The following RYR3 variants were observed in gnomAD, a reference collection of about 807,000 sequenced individuals.
The protein encoded by RYR3 is brain ryanodine receptor-calcium release channel.
RYR3 carries 207 observed loss-of-function variants against 584.3 expected under a neutral mutation model. That is an observed-to-expected ratio of 0.35 (90% CI 0.32 to 0.40). The LOEUF (loss-of-function observed/expected upper bound fraction) is 0.40. RYR3 is among the 10% of genes least tolerant of loss of function. The probability of loss-of-function intolerance (pLI) is 1.00; values close to 1 mark genes in which losing one functional copy is unlikely to be tolerated. For synonymous variants in RYR3, 2,416 were observed against 2,248.5 expected, an observed-to-expected ratio of 1.07 and a Z score of -2.11; for missense variants, 5,616 against 6,089.2, an observed-to-expected ratio of 0.92 and a Z score of 2.59.
Position 33,311,576 on chromosome 15 carries a change from G to A in RYR3, c.51+480G>A, listed in dbSNP as rs1317336745. Among the ~76,000 whole-genome samples the A allele has an allele frequency of 2.0e-5, 3 of 152,198 alleles. No homozygotes were observed. The highest frequency in any genetic ancestry group is 6.5e-5 in the Admixed American group (1 of 15,288). ...AGGAGCCAGCGGGGCAGGGGGGAGT[G>A]TGGGGAGCCGGGTCGGAGAAGCGGG... is the stretch of plus-strand genomic sequence containing the variant. On this transcript the variant is annotated intron_variant, in intron 1 of 103. Transcript: ENST00000634891. The surrounding 1 kb of genome is among the most constrained non-coding windows in gnomAD (Gnocchi z 4.4).
At chr15:33,466,342 A>G (rs2048486362) in intron 1 of RYR3, among the ~76,000 whole-genome samples, 1 of 152,220 alleles carries the variant, frequency 6.6e-6, no homozygotes, top group African/African-American at 2.4e-5. Context: ...CCAAATGAAG[A>G]AAGTATTTTA....
chr15:33,853,023 C>T lies in RYR3; in HGVS notation c.13629-22C>T, dbSNP rs529196353. On this transcript the variant is annotated intron_variant, in intron 94 of 103. Coordinates refer to ENST00000634891, the MANE Select transcript of RYR3 (RefSeq NM_001036.6). The stretch of plus-strand genomic sequence containing the variant: ...CTTGATGTTAAGAATGAAGAACCAA[C>T]CTTTTTCGTTTTGTTTTTCAGATCT... The T allele has an allele frequency of 1.9e-5, 30 of 1,597,062 alleles. No homozygotes were observed. In the African/African-American group the frequency reaches 3.6e-4, roughly 19 times the overall value.
At chr15:33,843,435 G>T in intron 91 of RYR3, 53 bp from the exon 92 acceptor site, 1 of 1,295,654 alleles carries the variant, frequency 7.7e-7, no homozygotes, top group Non-Finnish European at 1.1e-6. Flanking sequence ...AAAGTAGGAA[G>T]TTCTCTTTTC....
intron 1 of RYR3, among the ~76,000 whole-genome samples, chr15:33,431,003 C>T (rs1410503673): frequency 6.6e-6 from 1 of 152,122 alleles, no homozygotes; most frequent in East Asian, 1.9e-4. Flanking sequence ...AACAACTAGA[C>T]TTAGGGGCTC....
intron 94 of RYR3, 82 bp from the exon 95 acceptor site, chr15:33,852,963 G>A (rs1285195765): frequency 8.5e-7 from 1 of 1,179,152 alleles, no homozygotes; most frequent in Non-Finnish European, 1.2e-6. Flanking sequence ...CCCAGATCCA[G>A]GCACTCAAAC....
chr15:33,587,441 C>A (rs941012899), intron 16 of RYR3, among the ~76,000 whole-genome samples: 3 of 152,164 alleles, frequency 2.0e-5, no homozygotes, highest in African/African-American at 7.2e-5. Flanking sequence ...AAATAACCAA[C>A]TTTGTTGTGG....
intron 15 of RYR3, among the ~76,000 whole-genome samples, chr15:33,585,546 G>T (rs1299308413): frequency 6.6e-6 from 1 of 151,940 alleles, no homozygotes; most frequent in Non-Finnish European, 1.5e-5. Context: ...TAATTTCTAG[G>T]GTAGTTCCTA....
In RYR3 at chr15:33,503,755, T is replaced by G. The variant is rs763013969; in HGVS notation, c.279+17T>G. 3 of 1,524,482 alleles carry G rather than the reference T, an allele frequency of 2.0e-6. No individual in the cohort carries two copies. The highest frequency in any genetic ancestry group is 2.7e-6 in the Non-Finnish European group (3 of 1,104,898). 94.4% of individuals were successfully genotyped at this position (1,524,482 alleles called of 1,614,324 possible). On this transcript the variant is annotated intron_variant, in intron 3 of 103. Transcript: ENST00000634891. ...GGCGAAGGGGTGAGTACCCGAATTG[T>G]GTCCTAGGTTGGGATTGGGGTGCAC... is the stretch of plus-strand genomic sequence containing the variant.
intron 1 of RYR3, among the ~76,000 whole-genome samples, chr15:33,400,538 GA>G (rs1467730392): frequency 6.6e-6 from 1 of 152,218 alleles, no homozygotes; most frequent in Non-Finnish European, 1.5e-5. Flanking sequence ...GAAAGCTGCA[GA>G]GGGCTGAGTT....
At chr15:33,701,911 A>T (rs554261462) in intron 42 of RYR3, among the ~76,000 whole-genome samples, 8 of 152,186 alleles carry the variant, frequency 5.3e-5, no homozygotes, top group Admixed American at 5.2e-4. Context: ...TGAAGCACAG[A>T]GTACCTGGGG....
rs151329377 is a variant in RYR3 at position 33,789,798 on chromosome 15, G to A, written c.9830+1340G>A. Among the ~76,000 whole-genome samples the A allele has an allele frequency of 4.0e-3, 503 of 127,094 alleles. 2 individuals are homozygous for A. Among genetic ancestry groups the A allele is most frequent in the African/African-American group, 0.014 (479 of 33,714 alleles). 83.4% of individuals were successfully genotyped at this position (127,094 alleles called of 152,430 possible). ...CATGCGATTCTCCCACCTCAGCCTC[G>A]TGAGTAGCTGGGATTACAGGCGCAG... On this transcript the variant is annotated intron_variant, in intron 67 of 103. Transcript: ENST00000634891.
rs190433718 is a variant in RYR3 at position 33,712,249 on chromosome 15, C to T, written c.6619+5195C>T. ...ATCTGTCCCCATGATTCAAACACCT[C>T]CCACCAGGCCCCACCTCCAGCATTG... is the stretch of plus-strand genomic sequence containing the variant. On this transcript the variant is annotated intron_variant, in intron 43 of 103. Coordinates refer to ENST00000634891, the MANE Select transcript of RYR3 (RefSeq NM_001036.6). Among the ~76,000 whole-genome samples the T allele has an allele frequency of 1.8e-3, 272 of 152,266 alleles. 1 individual carries two copies. Among genetic ancestry groups the T allele is most frequent in the Non-Finnish European group, 3.5e-3 (238 of 68,036 alleles).
intron 1 of RYR3, among the ~76,000 whole-genome samples, chr15:33,444,184 G>C (rs918558959): frequency 6.6e-6 from 1 of 152,062 alleles, no homozygotes; most frequent in Admixed American, 6.6e-5. Context: ...CAAAGCCAGG[G>C]CCAAGAGGCT....
At chr15:33,809,375 C>G (rs2076386817) in intron 70 of RYR3, among the ~76,000 whole-genome samples, 1 of 152,178 alleles carries the variant, frequency 6.6e-6, no homozygotes, top group South Asian at 2.1e-4. Flanking sequence ...TTCTGGCTAC[C>G]CAGCCCTCCC....
intron 32 of RYR3, among the ~76,000 whole-genome samples, chr15:33,657,132 A>G (rs1362244061): frequency 6.6e-6 from 1 of 152,182 alleles, no homozygotes; most frequent in African/African-American, 2.4e-5. Flanking sequence ...TAGTGATCGA[A>G]GAGACATTTC....
chr15:33,476,600 T>C (rs978987951), intron 2 of RYR3, among the ~76,000 whole-genome samples: 10 of 152,212 alleles, frequency 6.6e-5, no homozygotes, highest in South Asian at 2.1e-4. Context: ...ATGGTCTTCA[T>C]GAATGGTAAA....
intron 2 of RYR3, among the ~76,000 whole-genome samples, chr15:33,479,656 G>A (rs2049780904): frequency 6.6e-6 from 1 of 152,114 alleles, no homozygotes. Flanking sequence ...ACTTCATGAA[G>A]ATTGTTCATT....
intron 61 of RYR3, 98 bp from the exon 62 acceptor site, chr15:33,769,014 A>G: frequency 1.1e-6 from 1 of 913,570 alleles, no homozygotes. Context: ...TTGGTAGTTA[A>G]TTACGCTGGG....
intron 19 of RYR3, among the ~76,000 whole-genome samples, chr15:33,614,804 T>A (rs1269459531): frequency 6.6e-6 from 1 of 152,144 alleles, no homozygotes; most frequent in East Asian, 1.9e-4. Context: ...TTTCCTATTG[T>A]TTTTTGTTTT....
Sources: allele counts gnomAD v4.1 joint callset (sites outside exome capture counted in the v4.1 genomes callset), GRCh38; gene constraint gnomAD v4.1.1; non-coding constraint Gnocchi (gnomAD v3.1); transcripts MANE v1.5; gene names NCBI Gene and HGNC (gene_info 2026-07-23, HGNC 2026-07-21).